The following IQGAP2 variants were observed in gnomAD, a reference collection of about 807,000 sequenced individuals.
IQGAP2 encodes the protein ras GTPase-activating-like protein IQGAP2.
In IQGAP2, 173 loss-of-function variants were observed where a neutral mutation model predicts 201.3. That is an observed-to-expected ratio of 0.86 (90% CI 0.76 to 0.98). IQGAP2 has a LOEUF of 0.98. Among genes scored for constraint, IQGAP2 ranks in the 50% least tolerant of loss-of-function variants. IQGAP2 has a pLI of 0.00. For missense variants in IQGAP2, 1,687 were observed against 1,864.8 expected, an observed-to-expected ratio of 0.90 and a Z score of 1.76; for synonymous variants, 675 against 673.9, an observed-to-expected ratio of 1.00 and a Z score of -0.03.
chr5:76,428,425 G>C (rs1561363846), intron 1 of IQGAP2, among the ~76,000 whole-genome samples: 1 of 150,692 alleles, frequency 6.6e-6, no homozygotes, highest in East Asian at 2.0e-4. Flanking sequence ...AGTTTGCTTT[G>C]AATCCTTTTT....
intron 2 of IQGAP2, among the ~76,000 whole-genome samples, chr5:76,484,739 C>T (rs4704317): frequency 0.57 from 86,938 of 151,742 alleles, 25,217 homozygotes; most frequent in East Asian, 0.73. Flanking sequence ...CAGCTTTGAC[C>T]TCCTGGACTC....
At chr5:76,650,016 C>G (rs1752389152) in intron 17 of IQGAP2, among the ~76,000 whole-genome samples, 1 of 152,230 alleles carries the variant, frequency 6.6e-6, no homozygotes, top group African/African-American at 2.4e-5. Flanking sequence ...ATGGTTAGAT[C>G]TGGAGCGGCT....
At chr5:76,610,671 C>T (rs1250900037) in intron 12 of IQGAP2, among the ~76,000 whole-genome samples, 1 of 152,018 alleles carries the variant, frequency 6.6e-6, no homozygotes, top group East Asian at 1.9e-4. Context: ...AATACTAAAT[C>T]TTCCAATTCA....
chr5:76,606,101 A>G (rs1422927377), intron 11 of IQGAP2, 78 bp from the exon 12 acceptor site: 6 of 1,254,426 alleles, frequency 4.8e-6, no homozygotes, highest in Non-Finnish European at 6.6e-6. Flanking sequence ...ATGTTTGACC[A>G]TGTGTCATAG....
chr5:76,430,892 T>C (rs1435416010), intron 1 of IQGAP2, among the ~76,000 whole-genome samples: 2 of 152,160 alleles, frequency 1.3e-5, no homozygotes, highest in Non-Finnish European at 2.9e-5. Context: ...TGCCTAGCAA[T>C]TGGGGAGTAG....
intron 2 of IQGAP2, among the ~76,000 whole-genome samples, chr5:76,466,586 C>T (rs1235360210): frequency 6.6e-6 from 1 of 152,182 alleles, no homozygotes; most frequent in Admixed American, 6.5e-5. Context: ...AGAATAAAGT[C>T]AATTCACTGG....
intron 1 of IQGAP2, among the ~76,000 whole-genome samples, chr5:76,434,391 T>G (rs556294494): frequency 6.6e-6 from 1 of 152,170 alleles, no homozygotes; most frequent in Non-Finnish European, 1.5e-5. Flanking sequence ...CCACTCTGTA[T>G]GCCTTTGCAT....
chr5:76,665,172 A>G lies in IQGAP2; in HGVS notation c.2676A>G (p.Leu892=), dbSNP rs148071477. The G allele has an allele frequency of 6.8e-6, 11 of 1,610,976 alleles. No individual in the cohort carries two copies. The highest frequency in any genetic ancestry group is 7.6e-6 in the Non-Finnish European group (9 of 1,178,862). ...LETYQQLFYL[L]QTNPLYLAKL... Reference sequence around the variant, plus strand: ...CATATCAGCAGCTGTTTTACCTTTTACAGGTGAGAACAATTTATCGTTCAC... The same window carrying G: ...CATATCAGCAGCTGTTTTACCTTTTGCAGGTGAGAACAATTTATCGTTCAC... Residue 892 remains leucine (L), a synonymous_variant, in exon 22 of 36, where the codon TTA becomes TTG. Coordinates refer to ENST00000274364, the MANE Select transcript of IQGAP2 (RefSeq NM_006633.5).
chr5:76,699,379 T>C (rs1747053085), intron 33 of IQGAP2: 1 of 152,232 alleles, frequency 6.6e-6, no homozygotes, highest in Non-Finnish European at 1.5e-5. Flanking sequence ...AGTAGATTCT[T>C]AGGTTGATTT....
chr5:76,662,304 C>T (rs901595704), intron 21 of IQGAP2, among the ~76,000 whole-genome samples: 2 of 152,198 alleles, frequency 1.3e-5, no homozygotes, highest in South Asian at 4.1e-4. Flanking sequence ...GCCTCCGTTG[C>T]TTCCCTCCCT....
chr5:76,683,804 T>C lies in IQGAP2; in HGVS notation c.3792T>C (p.Pro1264=), dbSNP rs546809273. The change falls in exon 30 of 36, where the codon CCT becomes CCC. Residue 1264 remains proline, a synonymous_variant. Transcript: ENST00000274364. ...LGEGAVDPND[P]NKANTLSQLS... is the part of the protein sequence containing the mutation. Reference sequence around the variant, plus strand: ...AAGGAGCAGTTGACCCCAATGACCCTAACAAGGCAAATACACTAAGTCAGC... The same window carrying C: ...AAGGAGCAGTTGACCCCAATGACCCCAACAAGGCAAATACACTAAGTCAGC... 1 of 1,613,092 alleles carries C rather than the reference T, an allele frequency of 6.2e-7. No individual in the cohort carries two copies. The highest frequency in any genetic ancestry group is 1.3e-5 in the African/African-American group (1 of 75,040).
intron 1 of IQGAP2, among the ~76,000 whole-genome samples, chr5:76,442,488 T>C (rs541704172): frequency 6.6e-6 from 1 of 152,328 alleles, no homozygotes; most frequent in African/African-American, 2.4e-5. Flanking sequence ...GAAAGGAATG[T>C]GAATCCTTTA....
chr5:76,702,949 A>G (rs1225683572), intron 35 of IQGAP2, among the ~76,000 whole-genome samples: 1 of 137,212 alleles, frequency 7.3e-6, no homozygotes, highest in African/African-American at 2.7e-5. Flanking sequence ...TATGCCCAGG[A>G]CTGGAACTTT....
intron 2 of IQGAP2, among the ~76,000 whole-genome samples, chr5:76,508,004 C>CAAAAA (rs35283673): frequency 1.6e-5 from 1 of 63,308 alleles, no homozygotes; most frequent in Non-Finnish European, 2.8e-5. Flanking sequence ...GACTCCTTCT[C>CAAAAA]AAAAAAAAAA....
chr5:76,464,920 G>A (rs950317265), intron 2 of IQGAP2, among the ~76,000 whole-genome samples: 23 of 152,136 alleles, frequency 1.5e-4, no homozygotes, highest in Admixed American at 1.3e-3. Flanking sequence ...TATAATAAGT[G>A]AAGAGCCTGA....
intron 14 of IQGAP2, among the ~76,000 whole-genome samples, chr5:76,628,480 C>T (rs1750436016): frequency 6.6e-6 from 1 of 152,128 alleles, no homozygotes; most frequent in Admixed American, 6.5e-5. Context: ...AATTGTTTAA[C>T]CCTCTGTTTT....
intron 2 of IQGAP2, among the ~76,000 whole-genome samples, chr5:76,541,505 A>G (rs566025194): frequency 1.5e-4 from 23 of 152,292 alleles, no homozygotes; most frequent in Admixed American, 1.4e-3. Context: ...GGGTGCAGGT[A>G]TATATTTGAG....
intron 2 of IQGAP2, among the ~76,000 whole-genome samples, chr5:76,533,371 A>G (rs1191856029): frequency 6.6e-6 from 1 of 152,092 alleles, no homozygotes. Context: ...ACACTTTACA[A>G]AATTGATCTT....
chr5:76,550,160 C>T (rs1468854858), intron 2 of IQGAP2, among the ~76,000 whole-genome samples: 4 of 152,034 alleles, frequency 2.6e-5, no homozygotes, highest in African/African-American at 7.2e-5. Context: ...TTCCAAAATA[C>T]AATGATGGGG....
Sources: gnomAD v4.1 joint callset for allele counts (sites outside exome capture counted in the v4.1 genomes callset) on GRCh38, gnomAD v4.1.1 for gene constraint, MANE v1.5 for transcripts, NCBI Gene and HGNC (gene_info 2026-07-23, HGNC 2026-07-21) for gene names.